Variants in PTPRZ1 observed in about 807,000 individuals in gnomAD.
PTPRZ1 encodes the protein receptor-type tyrosine-protein phosphatase zeta.
PTPRZ1 carries 82 observed loss-of-function variants against 214.1 expected under a neutral mutation model. The ratio of observed to expected loss-of-function variants is 0.38; its 90% CI spans 0.32 to 0.46. The LOEUF is 0.46. Among genes scored for constraint, PTPRZ1 ranks in the 20% least tolerant of loss-of-function variants. PTPRZ1 has a pLI of 1.00. For synonymous variants in PTPRZ1, 945 were observed against 987.9 expected, an observed-to-expected ratio of 0.96 and a Z score of 0.81; for missense variants, 2,603 against 2,748.7, an observed-to-expected ratio of 0.95 and a Z score of 1.19.
At chr7:121,998,891 T>C (rs1428000975) in intron 10 of PTPRZ1, among the ~76,000 whole-genome samples, 2 of 152,200 alleles carry the variant, frequency 1.3e-5, no homozygotes, top group African/African-American at 4.8e-5. Context: ...TTACAAATTA[T>C]ATTAATTATA....
At chr7:121,991,232 C>T (rs1289200947) in intron 8 of PTPRZ1, among the ~76,000 whole-genome samples, 1 of 152,150 alleles carries the variant, frequency 6.6e-6, no homozygotes, top group Admixed American at 6.5e-5. Flanking sequence ...ATGTAACGTG[C>T]TACTGACTCA....
chr7:121,998,990 A>G (rs1256113630), intron 10 of PTPRZ1, among the ~76,000 whole-genome samples: 1 of 152,198 alleles, frequency 6.6e-6, no homozygotes, highest in Non-Finnish European at 1.5e-5. Context: ...TTAATCCAAC[A>G]TGAGCTTAAA....
At chr7:121,984,239 T>C in intron 8 of PTPRZ1, 122 bp downstream of exon 8, 1 of 851,716 alleles carries the variant, frequency 1.2e-6, no homozygotes, top group Non-Finnish European at 1.6e-6. Context: ...ATTAATTTTG[T>C]AGCTTTAGAT....
intron 4 of PTPRZ1, among the ~76,000 whole-genome samples, chr7:121,973,940 GAAAAAAAA>G (rs371692415): frequency 1.4e-4 from 12 of 86,218 alleles, no homozygotes; most frequent in Admixed American, 1.3e-3. Context: ...TCTCAAAAAA[GAAAAAAAA>G]AAAAAAAAAA....
At chr7:122,045,415 C>T (rs1799859797) in intron 23 of PTPRZ1, among the ~76,000 whole-genome samples, 1 of 152,126 alleles carries the variant, frequency 6.6e-6, no homozygotes, top group African/African-American at 2.4e-5. Context: ...CAGTCTACAG[C>T]ATAGGATGTT....
chr7:121,956,670 T>C (rs1796717330), intron 2 of PTPRZ1, among the ~76,000 whole-genome samples: 1 of 152,216 alleles, frequency 6.6e-6, no homozygotes, highest in Non-Finnish European at 1.5e-5. Flanking sequence ...GGGATTCCGG[T>C]CCCAACAGAT....
At chr7:121,941,196 C>T (rs933572983) in intron 2 of PTPRZ1, among the ~76,000 whole-genome samples, 1 of 152,180 alleles carries the variant, frequency 6.6e-6, no homozygotes, top group Admixed American at 6.5e-5. Context: ...GTGGATTGAG[C>T]TTTTGTTTTA....
chr7:121,996,624 A>T (rs1468511041), intron 9 of PTPRZ1, 58 bp downstream of exon 9: 3 of 1,297,598 alleles, frequency 2.3e-6, no homozygotes, highest in Non-Finnish European at 3.1e-6. Context: ...TTTCCAAGGT[A>T]AGAACTTACA....
intron 17 of PTPRZ1, 139 bp from the exon 18 acceptor site, chr7:122,036,461 T>C: frequency 1.6e-6 from 1 of 622,690 alleles, no homozygotes; most frequent in Non-Finnish European, 2.8e-6. Flanking sequence ...TGTCTCTGTA[T>C]CCCCAAAAAG....
At chr7:121,986,377 T>C (rs1797763370) in intron 8 of PTPRZ1, among the ~76,000 whole-genome samples, 1 of 152,192 alleles carries the variant, frequency 6.6e-6, no homozygotes, top group Non-Finnish European at 1.5e-5. Context: ...TACTTGACAT[T>C]TATACAGGAA....
chr7:122,012,110 G>A lies in PTPRZ1; in HGVS notation c.3064G>A (p.Val1022Ile), dbSNP rs1287742504. ...GLTALNISSP[V>I]SVAEFTYTTS... ...GACAGCCCTTAACATTTCTTCACCT[G>A]TTTCTGTAGCTGAATTTACATATAC... Residue 1022 changes from valine to isoleucine, a missense_variant, in exon 12 of 30, where the codon GTT (valine) becomes ATT (isoleucine). By Grantham distance (29) the Val-to-Ile change is conservative. Transcript: ENST00000393386. The A allele has an allele frequency of 1.9e-6, 3 of 1,613,948 alleles. No individual in the cohort carries two copies. Among genetic ancestry groups the A allele is most frequent in the Non-Finnish European group, 2.5e-6 (3 of 1,179,824 alleles).
intron 17 of PTPRZ1, among the ~76,000 whole-genome samples, chr7:122,034,740 G>T (rs1490747968): frequency 6.6e-6 from 1 of 151,904 alleles, no homozygotes; most frequent in Non-Finnish European, 1.5e-5. Flanking sequence ...TTTACCAACC[G>T]AATTACATTT....
chr7:122,059,006 T>G (rs966577323), intron 28 of PTPRZ1, 64 bp downstream of exon 28: 2 of 1,438,844 alleles, frequency 1.4e-6, no homozygotes, highest in African/African-American at 2.9e-5. Flanking sequence ...ATATTTCTGT[T>G]GTCTTCAGAC....
chr7:121,951,308 C>T (rs1796534615), intron 2 of PTPRZ1, among the ~76,000 whole-genome samples: 1 of 152,048 alleles, frequency 6.6e-6, no homozygotes, highest in South Asian at 2.1e-4. Flanking sequence ...TTACCTTTAC[C>T]ACAGAAGAAA....
chr7:122,018,381 GC>G (rs1358349685), intron 12 of PTPRZ1, among the ~76,000 whole-genome samples: 3 of 152,074 alleles, frequency 2.0e-5, no homozygotes, highest in Non-Finnish European at 4.4e-5. Context: ...TACCTGACTG[GC>G]CCCCAAAATA....
intron 2 of PTPRZ1, among the ~76,000 whole-genome samples, chr7:121,954,782 A>G (rs1177849137): frequency 6.6e-6 from 1 of 152,244 alleles, no homozygotes; most frequent in Non-Finnish European, 1.5e-5. Context: ...AAAAGCTGCA[A>G]TCAGCAGCGT....
intron 8 of PTPRZ1, among the ~76,000 whole-genome samples, chr7:121,991,306 T>A (rs1269014243): frequency 6.6e-6 from 1 of 152,252 alleles, no homozygotes; most frequent in Non-Finnish European, 1.5e-5. Context: ...TATGGTATAC[T>A]ATTCAAGTTT....
intron 1 of PTPRZ1, among the ~76,000 whole-genome samples, chr7:121,903,573 A>G (rs1584620835): frequency 6.6e-6 from 1 of 152,138 alleles, no homozygotes; most frequent in Non-Finnish European, 1.5e-5. Context: ...AAATATGAAG[A>G]TTTTTATTTT....
At chr7:122,018,158 A>C (rs1471714996) in intron 12 of PTPRZ1, among the ~76,000 whole-genome samples, 1 of 152,186 alleles carries the variant, frequency 6.6e-6, no homozygotes, top group Non-Finnish European at 1.5e-5. Context: ...GTCTGCAGGT[A>C]GATATAAGGG....
Sources: allele counts gnomAD v4.1 joint callset (sites outside exome capture counted in the v4.1 genomes callset), GRCh38; gene constraint gnomAD v4.1.1; transcripts MANE v1.5; gene names NCBI Gene and HGNC (gene_info 2026-07-23, HGNC 2026-07-21).